ALDH1L2: variants seen among roughly 807,000 people sequenced by gnomAD.
The protein encoded by ALDH1L2 is aldehyde dehydrogenase 1 family member L2, also known as mitochondrial 10-formyltetrahydrofolate dehydrogenase.
ALDH1L2 carries 91 observed loss-of-function variants against 111.0 expected under a neutral mutation model. The observed-to-expected ratio is 0.82, with a 90% confidence interval of 0.69 to 0.98. The LOEUF (loss-of-function observed/expected upper bound fraction) is 0.98, where lower values mean the gene tolerates loss of function less well. Ranked by LOEUF, ALDH1L2 falls within the 50% of genes least tolerant of loss-of-function variation. The pLI is 0.00. For synonymous variants in ALDH1L2, 374 were observed against 392.6 expected (o/e 0.95, Z 0.56); for missense variants, 995 against 1,126.8 (o/e 0.88, Z 1.67).
At chr12:105,025,975 G>A (rs1408287583) in intron 22 of ALDH1L2, among the ~76,000 whole-genome samples, 3 of 152,280 alleles carry the variant, frequency 2.0e-5, no homozygotes, top group African/African-American at 4.8e-5. Context: ...CATGTGTTTC[G>A]CACTGAAAGT....
Position 105,049,996 on chromosome 12 carries a change from C to A in ALDH1L2, c.1598G>T (p.Gly533Val), listed in dbSNP as rs748585217. 4 of 1,611,298 alleles carry A rather than the reference C, an allele frequency of 2.5e-6. No individual in the cohort carries two copies. In the South Asian group the frequency reaches 4.4e-5, roughly 18 times the overall value. The change falls in exon 13 of 23, where the codon GGG becomes GTG. Residue 533 changes from glycine to valine, a missense_variant. Physicochemically the swap from Gly to Val is moderately radical, Grantham distance 109. Coordinates refer to ENST00000258494, the MANE Select transcript of ALDH1L2 (RefSeq NM_001034173.4). ...CTTCAGGGCCAAGGTATAGACAGCCCCTGAATCAAGGGCTTCAATAGTTGC... is the reference window on the plus strand; with the variant it reads ...CTTCAGGGCCAAGGTATAGACAGCCACTGAATCAAGGGCTTCAATAGTTGC... ...ELATIEALDS[G>V]AVYTLALKTH...
intron 2 of ALDH1L2, among the ~76,000 whole-genome samples, chr12:105,071,144 C>T (rs1455049198): frequency 2.0e-5 from 3 of 152,168 alleles, no homozygotes; most frequent in Non-Finnish European, 4.4e-5. Context: ...GAGGCATGTG[C>T]CAATACTTCA....
At chr12:105,070,957 G>A (rs1369370099) in intron 2 of ALDH1L2, among the ~76,000 whole-genome samples, 153 bp from the exon 3 acceptor site, 3 of 152,310 alleles carry the variant, frequency 2.0e-5, no homozygotes, top group East Asian at 3.9e-4. Flanking sequence ...TTCACCTGTT[G>A]TAATTGGATC....
chr12:105,050,481 G>T (rs780668534), intron 12 of ALDH1L2: 12 of 208,164 alleles, frequency 5.8e-5, no homozygotes, highest in Middle Eastern at 1.3e-3. Context: ...CACTGCAACA[G>T]ATTTCTGTTT....
intron 6 of ALDH1L2, 32 bp downstream of exon 6, chr12:105,065,234 AG>A (rs755988923): frequency 8.4e-6 from 9 of 1,072,084 alleles, no homozygotes; most frequent in East Asian, 1.0e-4. Context: ...ATAATCGGGG[AG>A]GGGGGTGGGG....
chr12:105,034,144 T>C (rs1200905068), intron 19 of ALDH1L2, among the ~76,000 whole-genome samples, 156 bp downstream of exon 19: 8 of 152,218 alleles, frequency 5.3e-5, no homozygotes, highest in African/African-American at 1.9e-4. Flanking sequence ...AGTATGCCAG[T>C]ATGTAGCTAT....
intron 1 of ALDH1L2, among the ~76,000 whole-genome samples, chr12:105,075,252 A>G (rs1481754428): frequency 6.6e-6 from 1 of 152,218 alleles, no homozygotes; most frequent in Non-Finnish European, 1.5e-5. Context: ...TTGGAGTTCA[A>G]TTCCAGATTC....
Position 105,061,753 on chromosome 12 carries a change from C to G in ALDH1L2, c.922-1G>C. ...CAAACTGCAGATTTCTCACCGTCAGCTACAAAATAGCAACAAAACAAGCAT... is the reference window on the plus strand; with the variant it reads ...CAAACTGCAGATTTCTCACCGTCAGGTACAAAATAGCAACAAAACAAGCAT... On this transcript the variant is annotated splice_acceptor_variant, in intron 7 of 22. Transcript: ENST00000258494. LOFTEE classifies it high-confidence loss of function. The G allele has an allele frequency of 6.2e-7, 1 of 1,613,934 alleles. No homozygotes were observed. Among genetic ancestry groups the G allele is most frequent in the Non-Finnish European group, 8.5e-7 (1 of 1,179,990 alleles).
intron 20 of ALDH1L2, 58 bp from the exon 21 acceptor site, chr12:105,030,487 T>C: frequency 7.1e-7 from 1 of 1,414,848 alleles, no homozygotes. Flanking sequence ...TTTCAATTAA[T>C]AGTCCTCTCA....
intron 11 of ALDH1L2, 122 bp from the exon 12 acceptor site, chr12:105,052,339 A>T (rs1272670898): frequency 1.9e-6 from 2 of 1,062,166 alleles, no homozygotes; most frequent in Non-Finnish European, 2.6e-6. Context: ...ATGATAAGAA[A>T]TGAGTATATC....
At chr12:105,069,465 A>G (rs931957540) in intron 3 of ALDH1L2, among the ~76,000 whole-genome samples, 1 of 152,220 alleles carries the variant, frequency 6.6e-6, no homozygotes, top group African/African-American at 2.4e-5. Flanking sequence ...CTCTTCAGAA[A>G]TACTAAGAAA....
At chr12:105,065,133 G>T in intron 6 of ALDH1L2, 134 bp downstream of exon 6, 1 of 534,124 alleles carries the variant, frequency 1.9e-6, no homozygotes, top group East Asian at 3.9e-5. Flanking sequence ...TACATGCTGA[G>T]TAAAGGGGAG....
intron 11 of ALDH1L2, 87 bp from the exon 12 acceptor site, chr12:105,052,304 A>T: frequency 1.2e-5 from 16 of 1,312,204 alleles, no homozygotes; most frequent in Non-Finnish European, 1.6e-5. Flanking sequence ...GAAAAAATAG[A>T]GTATTACTGA....
intron 5 of ALDH1L2, among the ~76,000 whole-genome samples, chr12:105,065,800 A>G (rs755925466): frequency 8.6e-5 from 13 of 150,928 alleles, no homozygotes; most frequent in Non-Finnish European, 1.6e-4. Flanking sequence ...GGGACCCTCC[A>G]TATTATTAGT....
intron 1 of ALDH1L2, among the ~76,000 whole-genome samples, chr12:105,084,187 C>T (rs887132894): frequency 1.3e-5 from 2 of 152,270 alleles, no homozygotes; most frequent in African/African-American, 2.4e-5. Flanking sequence ...GTGCCAGTTC[C>T]CATCCGGGAC....
intron 10 of ALDH1L2, among the ~76,000 whole-genome samples, chr12:105,055,787 C>T (rs1184897839): frequency 6.6e-6 from 1 of 151,572 alleles, no homozygotes; most frequent in East Asian, 1.9e-4. Flanking sequence ...TTGAAAAGTG[C>T]AATAACTGAA....
At position 105,066,647 on chromosome 12, in the gene ALDH1L2, G is replaced by A. The variant is rs761462155; in HGVS notation, c.617C>T (p.Ala206Val). 4.2e-5 allele frequency: 67 copies of A among 1,614,032 alleles called. No individual in the cohort carries two copies. Among genetic ancestry groups the A allele is most frequent in the Non-Finnish European group, 5.4e-5 (64 of 1,180,036 alleles). ...KAMVEAVQLI[A>V]DGKAPRIPQP... ...GGGTATACGAGGAGCTTTTCCATCA[G>A]CTATGAGTTGGACAGCTTCTACCTA... The change falls in exon 5 of 23, where the codon GCT becomes GTT. Residue 206 changes from alanine to valine, a missense_variant. Transcript: ENST00000258494.
At chr12:105,052,479 T>G (rs1406328692) in intron 11 of ALDH1L2, among the ~76,000 whole-genome samples, 1 of 152,234 alleles carries the variant, frequency 6.6e-6, no homozygotes, top group East Asian at 1.9e-4. Flanking sequence ...GTTCTTCCAG[T>G]GCTTTAGGAA....
intron 3 of ALDH1L2, among the ~76,000 whole-genome samples, chr12:105,069,473 A>G (rs1475553765): frequency 1.3e-5 from 2 of 152,212 alleles, no homozygotes; most frequent in East Asian, 3.8e-4. Flanking sequence ...AAATACTAAG[A>G]AATTGACTGG....
Sources: allele counts gnomAD v4.1 joint callset (sites outside exome capture counted in the v4.1 genomes callset), GRCh38; gene constraint gnomAD v4.1.1; transcripts MANE v1.5; gene names NCBI Gene and HGNC (gene_info 2026-07-23, HGNC 2026-07-21).